RB1: variants seen among roughly 807,000 people sequenced by gnomAD.
RB1 encodes retinoblastoma-associated protein.
RB1 carries 18 observed loss-of-function variants against 135.4 expected under a neutral mutation model. The observed-to-expected ratio is 0.13, with a 90% CI of 0.09 to 0.20. The LOEUF (loss-of-function observed/expected upper bound fraction) is 0.20, where lower values mean the gene tolerates loss of function less well. Among genes scored for constraint, RB1 ranks in the 10% least tolerant of loss-of-function variants. RB1 has a pLI of 1.00. For missense variants in RB1, 868 were observed against 1,110.0 expected, an observed-to-expected ratio of 0.78 and a Z score of 3.10; for synonymous variants, 365 against 373.2, an observed-to-expected ratio of 0.98 and a Z score of 0.25.
chr13:48,473,184 T>G (rs561649584), intron 23 of RB1, among the ~76,000 whole-genome samples, 176 bp from the exon 24 acceptor site: 13 of 152,162 alleles, frequency 8.5e-5, no homozygotes, highest in Non-Finnish European at 1.5e-5. Context: ...GAGTATATGA[T>G]TAGACGGGCA....
Position 48,303,753 on chromosome 13 carries a change from T to G in RB1, c.-160T>G. 1 of 1,169,646 alleles carries G rather than the reference T, an allele frequency of 8.5e-7. No homozygotes were observed. Among genetic ancestry groups the G allele is most frequent in the Non-Finnish European group, 1.1e-6 (1 of 871,032 alleles). The allele number at this position is 1,169,646 out of a possible 1,614,324, so 72.5% of individuals were successfully genotyped here. A position where few individuals can be genotyped will look rare whatever the true frequency, so the allele number is the denominator to read the frequency against. ...TCCCGCGGTTGGACGCGGCGCTCAG[T>G]TGCCGGGCGGGGGAGGGCGCGTCCG... On this transcript the variant is annotated 5_prime_UTR_variant, in exon 1 of 27. Coordinates refer to ENST00000267163, the MANE Select transcript of RB1 (RefSeq NM_000321.3).
intron 8 of RB1, among the ~76,000 whole-genome samples, chr13:48,364,107 T>C (rs572258494): frequency 6.6e-6 from 1 of 152,330 alleles, no homozygotes; most frequent in South Asian, 2.1e-4. Context: ...TCAACAAATA[T>C]ACAGTTGACT....
intron 6 of RB1, among the ~76,000 whole-genome samples, chr13:48,349,409 A>C (rs1952526358): frequency 6.6e-6 from 1 of 151,936 alleles, no homozygotes; most frequent in Non-Finnish European, 1.5e-5. Flanking sequence ...GGATGCAGTT[A>C]AGGTATAGAA....
chr13:48,456,502 G>A (rs1949361285), intron 19 of RB1, among the ~76,000 whole-genome samples, 153 bp downstream of exon 19: 1 of 152,192 alleles, frequency 6.6e-6, no homozygotes, highest in Admixed American at 6.5e-5. Flanking sequence ...AAATGATAAT[G>A]TTGCGAGATC....
chr13:48,307,225 G>A (rs1027988311), intron 1 of RB1, 55 bp from the exon 2 acceptor site: 4 of 1,454,420 alleles, frequency 2.8e-6, no homozygotes, highest in Non-Finnish European at 3.9e-6. Context: ...AGTATGTACT[G>A]AATCAATTTG....
chr13:48,374,555 AG>A (rs1952799331), intron 12 of RB1, among the ~76,000 whole-genome samples: 1 of 152,232 alleles, frequency 6.6e-6, no homozygotes, highest in African/African-American at 2.4e-5. Flanking sequence ...GTTTTGGCTC[AG>A]AATTGATTTT....
At chr13:48,478,774 A>G (rs187386417) in intron 26 of RB1, among the ~76,000 whole-genome samples, 8 of 152,298 alleles carry the variant, frequency 5.3e-5, no homozygotes, top group Admixed American at 4.6e-4. Context: ...ATCATCATAC[A>G]ATGCTGGATT....
intron 13 of RB1, among the ~76,000 whole-genome samples, chr13:48,379,034 T>A (rs956548937): frequency 6.6e-6 from 1 of 152,224 alleles, no homozygotes; most frequent in Non-Finnish European, 1.5e-5. Flanking sequence ...CAGTTTGATC[T>A]GATTTTTGCC....
At chr13:48,453,723 T>C (rs1283688534) in intron 18 of RB1, among the ~76,000 whole-genome samples, 2 of 152,080 alleles carry the variant, frequency 1.3e-5, no homozygotes, top group African/African-American at 4.8e-5. Flanking sequence ...AATATTTAAA[T>C]GGGAAAGTCA....
chr13:48,343,611 A>C (rs1952466414), intron 3 of RB1, among the ~76,000 whole-genome samples: 1 of 152,144 alleles, frequency 6.6e-6, no homozygotes, highest in South Asian at 2.1e-4. Flanking sequence ...TCTTCCCTTA[A>C]GTTTCCCCTA....
At position 48,473,374 on chromosome 13, in the gene RB1, T is replaced by C. The variant is rs776167810; in HGVS notation, c.2504T>C (p.Ile835Thr). The C allele has an allele frequency of 2.5e-6, 4 of 1,569,270 alleles. No individual in the cohort carries two copies. The highest frequency in any genetic ancestry group is 1.1e-5 in the South Asian group (1 of 90,168). The change falls in exon 24 of 27, where the codon ATT becomes ACT. Residue 835 changes from isoleucine to threonine, a missense_variant. Coordinates refer to ENST00000267163, the MANE Select transcript of RB1 (RefSeq NM_000321.3). ...TAACTTGACAGAATCTTAGTATCAA[T>C]TGGTGAATCATTCGGGGTGAGTATT... ...MTPRSRILVSIGESFGTSEKF... is the reference protein window; with the variant it reads ...MTPRSRILVSTGESFGTSEKF...
Position 48,381,387 on chromosome 13 carries a change from A to G in RB1, c.1639A>G (p.Ile547Val). ...AGAAGGCAACTTGACAAGAGAAATG[A>G]TAAAACATTTAGAACGATGTGAACA... ...KAEGNLTREM[I>V]KHLERCEHRI... The change falls in exon 17 of 27, where the codon ATA becomes GTA. Residue 547 changes from isoleucine to valine, a missense_variant. Around this residue, in one of 3 missense-constraint regions of RB1, gnomAD observed 641 missense variants for 791.3 expected, o/e 0.81. Coordinates refer to ENST00000267163, the MANE Select transcript of RB1 (RefSeq NM_000321.3). 1 of 1,613,198 alleles carries G rather than the reference A, an allele frequency of 6.2e-7. No homozygotes were observed. Among genetic ancestry groups the G allele is most frequent in the South Asian group, 1.1e-5 (1 of 90,940 alleles).
chr13:48,367,929 A>G (rs1457047190), intron 10 of RB1, among the ~76,000 whole-genome samples: 1 of 152,128 alleles, frequency 6.6e-6, no homozygotes, highest in African/African-American at 2.4e-5. Context: ...ATCCTTTCAT[A>G]TACTATTGCC....
At chr13:48,356,793 C>T (rs1952595733) in intron 6 of RB1, among the ~76,000 whole-genome samples, 1 of 151,946 alleles carries the variant, frequency 6.6e-6, no homozygotes, top group Admixed American at 6.6e-5. Context: ...CTGTATTTTA[C>T]AATCAACAAG....
chr13:48,423,534 A>G (rs564322573), intron 17 of RB1, among the ~76,000 whole-genome samples: 1 of 152,126 alleles, frequency 6.6e-6, no homozygotes, highest in Non-Finnish European at 1.5e-5. Flanking sequence ...TAAAAGACCT[A>G]TTTTTTTCCA....
At chr13:48,362,711 A>G (rs911729314) in intron 7 of RB1, 104 bp from the exon 8 acceptor site, 6 of 1,208,926 alleles carry the variant, frequency 5.0e-6, no homozygotes, top group African/African-American at 3.0e-5. Flanking sequence ...TAAAAGTAGT[A>G]GAATGTTACC....
At chr13:48,381,209 A>G (rs754145035) in intron 16 of RB1, 38 bp from the exon 17 acceptor site, 1 of 1,559,092 alleles carries the variant, frequency 6.4e-7, no homozygotes, top group Admixed American at 1.9e-5. Context: ...TCAAGGGTTA[A>G]TATTTCATAA....
chr13:48,424,717 C>T (rs1949054921), intron 17 of RB1, among the ~76,000 whole-genome samples: 1 of 152,072 alleles, frequency 6.6e-6, no homozygotes, highest in Non-Finnish European at 1.5e-5. Flanking sequence ...TTCCACAGTA[C>T]TTAGTTTGCC....
Position 48,380,063 on chromosome 13 carries a change from G to A in RB1, c.1400G>A (p.Arg467Gln), listed in dbSNP as rs1948519905. ...AATTATCTGTTTCAGGAAGAAGAAC[G>A]ATTATCCATTCAAAATTTTAGGTAA... ...MESMLKSEEE[R>Q]LSIQNFSKLL... The change falls in exon 15 of 27, where the codon CGA (arginine) becomes CAA (glutamine). Residue 467 changes from arginine (R) to glutamine (Q), a missense_variant. Physicochemically the swap from Arg to Gln is conservative, Grantham distance 43. Around this residue, in one of 3 missense-constraint regions of RB1, gnomAD observed 641 missense variants for 791.3 expected, o/e 0.81. Transcript: ENST00000267163. 3.8e-6 allele frequency: 5 copies of A among 1,332,914 alleles called. No individual in the cohort carries two copies. The highest frequency in any genetic ancestry group is 1.6e-5 in the African/African-American group (1 of 63,732). The allele number at this position is 1,332,914 out of a possible 1,614,324, so 82.6% of individuals were successfully genotyped here.
Sources: allele counts gnomAD v4.1 joint callset (sites outside exome capture counted in the v4.1 genomes callset), GRCh38; gene constraint gnomAD v4.1.1; regional missense constraint gnomAD v4.1.1; transcripts MANE v1.5; gene names NCBI Gene and HGNC (gene_info 2026-07-23, HGNC 2026-07-21).